The following DIP2C variants were observed in gnomAD, a reference collection of about 807,000 sequenced individuals.
DIP2C encodes the protein disco-interacting protein 2 homolog C.
Under a neutral mutation model 192.4 loss-of-function variants are expected in DIP2C, and 33 were observed. The ratio of observed to expected loss-of-function variants is 0.17; its 90% CI spans 0.13 to 0.23. DIP2C has a LOEUF of 0.23. Among genes scored for constraint, DIP2C ranks in the 10% least tolerant of loss-of-function variants. DIP2C has a pLI of 1.00. For missense variants in DIP2C, 1,537 were observed against 2,110.1 expected, an observed-to-expected ratio of 0.73 and a Z score of 5.32; for synonymous variants, 979 against 864.1, an observed-to-expected ratio of 1.13 and a Z score of -2.33.
At chr10:509,214 G>T (rs561879465) in intron 1 of DIP2C, among the ~76,000 whole-genome samples, 4 of 152,248 alleles carry the variant, frequency 2.6e-5, no homozygotes, top group Non-Finnish European at 5.9e-5. Context: ...TGATTCACCC[G>T]GGGAGGGGCA....
chr10:526,716 G>A (rs1847078152), intron 1 of DIP2C, among the ~76,000 whole-genome samples: 1 of 152,208 alleles, frequency 6.6e-6, no homozygotes, highest in African/African-American at 2.4e-5. Context: ...CTGCGCCTAT[G>A]TGGAAACTTC....
intron 24 of DIP2C, among the ~76,000 whole-genome samples, chr10:351,721 G>A (rs1296102029): frequency 6.6e-6 from 1 of 152,196 alleles, no homozygotes; most frequent in Non-Finnish European, 1.5e-5. Context: ...CTGCTGAGAA[G>A]ACAGATTTGG....
chr10:451,996 C>A (rs114346402), intron 3 of DIP2C, among the ~76,000 whole-genome samples: 1 of 151,920 alleles, frequency 6.6e-6, no homozygotes, highest in African/African-American at 2.4e-5. Flanking sequence ...CAGCTCAGGG[C>A]GACACAAGGA....
intron 1 of DIP2C, among the ~76,000 whole-genome samples, chr10:535,773 T>C (rs189420710): frequency 1.2e-3 from 188 of 152,312 alleles, no homozygotes; most frequent in Non-Finnish European, 2.1e-3. Flanking sequence ...AGGGAGCCTA[T>C]AGGTTTGGTT....
At position 277,153 on chromosome 10, in the gene DIP2C, CCATGCCA is replaced by C; in HGVS notation, c.*165_*171del. The C allele has an allele frequency of 1.1e-6, 1 of 924,750 alleles. No individual in the cohort carries two copies. The highest frequency in any genetic ancestry group is 1.6e-6 in the Non-Finnish European group (1 of 635,928). 57.3% of individuals were successfully genotyped at this position (924,750 alleles called of 1,614,324 possible). The stretch of plus-strand genomic sequence containing the variant: ...TCAGTGGTAAATTCACATTTCACCC[CCATGCCA>C]ATCGTGGCTGCTGTGAGAAGTCCTC... On this transcript the variant is annotated 3_prime_UTR_variant, in exon 37 of 37. Coordinates refer to ENST00000280886, the MANE Select transcript of DIP2C (RefSeq NM_014974.3).
chr10:609,643 GTATTTAACAGGATAA>G (rs1217225168), intron 1 of DIP2C, among the ~76,000 whole-genome samples: 2 of 152,184 alleles, frequency 1.3e-5, no homozygotes, highest in African/African-American at 4.8e-5. Flanking sequence ...TGTGGTTAGA[GTATTTAACAGGATAA>G]CTTGTGTTTC....
At position 390,872 on chromosome 10, in the gene DIP2C, G is replaced by T. The variant is rs747180867; in HGVS notation, c.1261-9C>A. The T allele has an allele frequency of 1.5e-5, 24 of 1,613,396 alleles. No homozygotes were observed. The highest frequency in any genetic ancestry group is 1.9e-5 in the Non-Finnish European group (23 of 1,179,760). On this transcript the variant is annotated splice_polypyrimidine_tract_variant and intron_variant, in intron 10 of 36. Transcript: ENST00000280886. ...TGCTGGCTCCCTGCGTCCTGAGAGG[G>T]CAACAGAGAGGAGTTGAGAATCCAC... is the stretch of plus-strand genomic sequence containing the variant.
At chr10:676,314 C>T (rs905250157) in intron 1 of DIP2C, among the ~76,000 whole-genome samples, 8 of 152,048 alleles carry the variant, frequency 5.3e-5, no homozygotes, top group South Asian at 2.1e-4. Flanking sequence ...TAATACTGAA[C>T]GGGGAAACAC....
intron 4 of DIP2C, among the ~76,000 whole-genome samples, chr10:437,094 ACCT>A (rs1208671455): frequency 6.7e-4 from 58 of 86,118 alleles, no homozygotes; most frequent in African/African-American, 2.6e-3. Context: ...TCTGAGCTCC[ACCT>A]CCTGGACATG....
At chr10:342,991 G>A (rs1484413328) in intron 28 of DIP2C, among the ~76,000 whole-genome samples, 1 of 152,220 alleles carries the variant, frequency 6.6e-6, no homozygotes, top group Non-Finnish European at 1.5e-5. Flanking sequence ...GATTTTTGCG[G>A]TTTTAAAACA....
chr10:565,505 A>G (rs1321175693), intron 1 of DIP2C, among the ~76,000 whole-genome samples: 1 of 152,198 alleles, frequency 6.6e-6, no homozygotes, highest in Non-Finnish European at 1.5e-5. Context: ...CTTTTTAAAC[A>G]AGGCATATGA....
chr10:533,271 A>AC (rs1302178664), intron 1 of DIP2C, among the ~76,000 whole-genome samples: 2 of 152,072 alleles, frequency 1.3e-5, no homozygotes, highest in Admixed American at 6.6e-5. Flanking sequence ...TAGAATCATC[A>AC]CCACCAACAC....
chr10:290,728 G>A (rs953743697), intron 32 of DIP2C, among the ~76,000 whole-genome samples: 2 of 152,204 alleles, frequency 1.3e-5, no homozygotes, highest in Non-Finnish European at 2.9e-5. Flanking sequence ...CTAGGAGGGG[G>A]TCAGAGGCCC....
At chr10:328,322 T>C (rs1957363074) in intron 30 of DIP2C, among the ~76,000 whole-genome samples, 1 of 152,168 alleles carries the variant, frequency 6.6e-6, no homozygotes, top group South Asian at 2.1e-4. Context: ...AGATTCTAAA[T>C]TTGGCTCCAG....
chr10:388,402 CT>C (rs1420236313), intron 13 of DIP2C, among the ~76,000 whole-genome samples: 1 of 152,216 alleles, frequency 6.6e-6, no homozygotes, highest in Non-Finnish European at 1.5e-5. Flanking sequence ...ACCTAGCTTT[CT>C]CCCGAAGTCA....
intron 1 of DIP2C, among the ~76,000 whole-genome samples, chr10:532,522 G>T (rs571951234): frequency 6.7e-6 from 1 of 149,704 alleles, no homozygotes; most frequent in African/African-American, 2.4e-5. Flanking sequence ...ATTTTGTGTG[G>T]GTGTGTGAGA....
chr10:579,394 C>T (rs1320115563), intron 1 of DIP2C, among the ~76,000 whole-genome samples: 1 of 151,972 alleles, frequency 6.6e-6, no homozygotes, highest in Non-Finnish European at 1.5e-5. Flanking sequence ...GTACAGTGTA[C>T]ACACATCCAG....
intron 3 of DIP2C, among the ~76,000 whole-genome samples, chr10:467,712 T>C (rs1970335222): frequency 6.7e-6 from 1 of 149,678 alleles, no homozygotes; most frequent in Admixed American, 6.7e-5. Context: ...AACAGAAAAC[T>C]AAACACCACT....
At chr10:553,498 C>T (rs1350681058) in intron 1 of DIP2C, among the ~76,000 whole-genome samples, 4 of 152,192 alleles carry the variant, frequency 2.6e-5, no homozygotes, top group South Asian at 2.1e-4. Flanking sequence ...TAAAATTTTG[C>T]GTGTAAACAC....
Sources: gnomAD v4.1 joint callset for allele counts (sites outside exome capture counted in the v4.1 genomes callset) on GRCh38, gnomAD v4.1.1 for gene constraint, MANE v1.5 for transcripts, NCBI Gene and HGNC (gene_info 2026-07-23, HGNC 2026-07-21) for gene names.